The following CBLB variants were observed in gnomAD, a reference collection of about 807,000 sequenced individuals.
CBLB encodes the protein E3 ubiquitin-protein ligase CBL-B.
Under a neutral mutation model 104.9 loss-of-function variants are expected in CBLB, and 31 were observed. That is an observed-to-expected ratio of 0.30 (90% CI 0.22 to 0.40). The LOEUF is 0.40. Ranked by LOEUF, CBLB falls within the 10% of genes least tolerant of loss-of-function variation. CBLB has a pLI of 1.00. For missense variants in CBLB, 1,062 were observed against 1,214.6 expected (o/e 0.87, Z 1.87); for synonymous variants, 440 against 422.6 (o/e 1.04, Z -0.51).
Position 105,656,042 on chromosome 3 carries a change from G to C in CBLB, c.*2928C>G, listed in dbSNP as rs2063319164. The C allele has an allele frequency of 4.4e-6, 1 of 226,882 alleles. No homozygotes were observed. The highest frequency in any genetic ancestry group is 6.3e-5 in the East Asian group (1 of 15,774). The allele number at this position is 226,882 out of a possible 1,614,324, so 14.1% of individuals were successfully genotyped here. On this transcript the variant is annotated 3_prime_UTR_variant, in exon 19 of 19. Transcript: ENST00000394030. Reference sequence around the variant, plus strand: ...AACAGAGAGGGAAGAGCTGAAGGTTGTATTTGTGGAAGGAAATTCAAGTTA... The same window carrying C: ...AACAGAGAGGGAAGAGCTGAAGGTTCTATTTGTGGAAGGAAATTCAAGTTA...
intron 3 of CBLB, among the ~76,000 whole-genome samples, chr3:105,807,880 T>C (rs1561922): frequency 0.12 from 17,867 of 152,186 alleles, 1,284 homozygotes; most frequent in East Asian, 0.41. Flanking sequence ...ACTTGCATGA[T>C]ACAACTAGTT....
In CBLB at chr3:105,687,532, C is replaced by T. The variant is rs2067162924; in HGVS notation, c.2055-2066G>A. Among the ~76,000 whole-genome samples the T allele has an allele frequency of 2.0e-5, 3 of 151,954 alleles. No homozygotes were observed. In the South Asian group the frequency reaches 6.2e-4, roughly 32 times the overall value. Reference sequence around the variant, plus strand: ...GCTAAAACTTACTAGTATAAATTGTCAACTTACACAGATTTTAGAGAATTA... The same window carrying T: ...GCTAAAACTTACTAGTATAAATTGTTAACTTACACAGATTTTAGAGAATTA... On this transcript the variant is annotated intron_variant, in intron 13 of 18. Transcript: ENST00000394030.
chr3:105,753,315 C>G (rs948584398), intron 4 of CBLB, among the ~76,000 whole-genome samples: 4 of 150,976 alleles, frequency 2.6e-5, no homozygotes, highest in African/African-American at 7.3e-5. Context: ...ACATCAGATG[C>G]CATTTAGAAG....
At chr3:105,814,894 C>A (rs1033664012) in intron 3 of CBLB, among the ~76,000 whole-genome samples, 1 of 149,948 alleles carries the variant, frequency 6.7e-6, no homozygotes, top group Non-Finnish European at 1.5e-5. Context: ...ATCTCCAGAG[C>A]CAAATTTTGT....
intron 14 of CBLB, 143 bp downstream of exon 14, chr3:105,685,177 G>A (rs2066853791): frequency 1.4e-6 from 1 of 737,804 alleles, no homozygotes; most frequent in South Asian, 1.6e-5. Context: ...AAGTAATGCT[G>A]GAAATGGTAT....
At chr3:105,722,214 A>AAAAAAAAAG (rs1553744289) in intron 9 of CBLB, among the ~76,000 whole-genome samples, 2 of 150,502 alleles carry the variant, frequency 1.3e-5, no homozygotes, top group Non-Finnish European at 3.0e-5. Flanking sequence ...AAAAAAAAAA[A>AAAAAAAAAG]AAAAGAAAAG....
chr3:105,818,324 T>A (rs749279803), intron 3 of CBLB, among the ~76,000 whole-genome samples: 4 of 152,076 alleles, frequency 2.6e-5, no homozygotes, highest in Non-Finnish European at 5.9e-5. Flanking sequence ...AGATTATACA[T>A]CCACACTGAT....
At chr3:105,768,921 T>C (rs2152948892) in intron 4 of CBLB, among the ~76,000 whole-genome samples, 1 of 152,294 alleles carries the variant, frequency 6.6e-6, no homozygotes, top group Middle Eastern at 3.4e-3. Flanking sequence ...TAGGAACTGA[T>C]CATTTAAAAA....
In CBLB at chr3:105,657,416, A is replaced by T. The variant is rs1476674551; in HGVS notation, c.*1554T>A. ...TGTGGGTTCAAGCATTTACACAGAG[A>T]TGATTTTATCTCATTTCTCCATTAA... is the stretch of plus-strand genomic sequence containing the variant. On this transcript the variant is annotated 3_prime_UTR_variant, in exon 19 of 19. Transcript: ENST00000394030. 1.9e-5 allele frequency: 4 copies of T among 213,628 alleles called. No homozygotes were observed. Among genetic ancestry groups the T allele is most frequent in the Non-Finnish European group, 3.8e-5 (4 of 105,710 alleles). 13.2% of individuals were successfully genotyped at this position (213,628 alleles called of 1,614,324 possible).
chr3:105,836,488 C>T (rs539480480), intron 3 of CBLB, among the ~76,000 whole-genome samples: 4 of 152,140 alleles, frequency 2.6e-5, no homozygotes, highest in African/African-American at 4.8e-5. Flanking sequence ...ACCATGAGCA[C>T]CCCGCAGAGG....
At chr3:105,765,249 G>A (rs1014524178) in intron 4 of CBLB, among the ~76,000 whole-genome samples, 1 of 152,102 alleles carries the variant, frequency 6.6e-6, no homozygotes, top group African/African-American at 2.4e-5. Context: ...GCTACATGAT[G>A]GGTTCAATCA....
At chr3:105,685,185 T>C (rs2066854771) in intron 14 of CBLB, 135 bp downstream of exon 14, 1 of 778,726 alleles carries the variant, frequency 1.3e-6, no homozygotes, top group Admixed American at 2.1e-5. Context: ...CTGGAAATGG[T>C]ATAATAGGAA....
chr3:105,678,102 T>C (rs1305218719), intron 17 of CBLB, among the ~76,000 whole-genome samples: 1 of 152,160 alleles, frequency 6.6e-6, no homozygotes, highest in Non-Finnish European at 1.5e-5. Flanking sequence ...AGTCTAAATA[T>C]TGTTCCCATT....
rs184685823 is a variant in CBLB at position 105,687,706 on chromosome 3, T to A, written c.2055-2240A>T. ...TATGTTTTTTAATGAAAATGTTTAATATCAGTATAATAGTCTATTTGGATT... is the reference window on the plus strand; with the variant it reads ...TATGTTTTTTAATGAAAATGTTTAAAATCAGTATAATAGTCTATTTGGATT... On this transcript the variant is annotated intron_variant, in intron 13 of 18. Transcript: ENST00000394030. Among the ~76,000 whole-genome samples, 256 of 152,098 alleles carry A rather than the reference T, an allele frequency of 1.7e-3. No individual in the cohort carries two copies. In the Middle Eastern group the frequency reaches 0.027, roughly 16 times the overall value.
intron 3 of CBLB, among the ~76,000 whole-genome samples, chr3:105,796,797 A>T (rs2082299311): frequency 6.6e-6 from 1 of 152,244 alleles, no homozygotes; most frequent in Non-Finnish European, 1.5e-5. Context: ...TCCAAAGAAG[A>T]CATACATGCA....
At chr3:105,860,841 C>G (rs893221947) in intron 2 of CBLB, among the ~76,000 whole-genome samples, 1 of 152,110 alleles carries the variant, frequency 6.6e-6, no homozygotes, top group African/African-American at 2.4e-5. Flanking sequence ...TGCAGAAAAG[C>G]AGGAAATAAG....
chr3:105,674,726 G>A (rs1482051871), intron 17 of CBLB, among the ~76,000 whole-genome samples: 7 of 152,140 alleles, frequency 4.6e-5, no homozygotes, highest in African/African-American at 1.2e-4. Flanking sequence ...GGTAGCCTTG[G>A]GATTGGAGAC....
At chr3:105,762,748 G>A (rs1018241119) in intron 4 of CBLB, among the ~76,000 whole-genome samples, 2 of 152,250 alleles carry the variant, frequency 1.3e-5, no homozygotes, top group Non-Finnish European at 2.9e-5. Context: ...AGCAGTGTGG[G>A]AGGGAAATGT....
intron 9 of CBLB, among the ~76,000 whole-genome samples, chr3:105,729,561 C>T (rs954675896): frequency 2.6e-5 from 4 of 151,934 alleles, no homozygotes; most frequent in African/African-American, 4.8e-5. Flanking sequence ...ACAAGAGAGA[C>T]GTAAGTTATT....
Sources: allele counts gnomAD v4.1 joint callset (sites outside exome capture counted in the v4.1 genomes callset), GRCh38; gene constraint gnomAD v4.1.1; transcripts MANE v1.5; gene names NCBI Gene and HGNC (gene_info 2026-07-23, HGNC 2026-07-21).